Variants in WDPCP observed in about 807,000 individuals in gnomAD.
WDPCP encodes WD repeat containing planar cell polarity effector, also known as WD repeat-containing and planar cell polarity effector protein fritz homolog.
WDPCP carries 71 observed loss-of-function variants against 93.1 expected under a neutral mutation model. The ratio of observed to expected loss-of-function variants is 0.76; its 90% CI spans 0.63 to 0.93. WDPCP has a LOEUF of 0.93. Ranked by LOEUF, WDPCP falls within the 40% of genes least tolerant of loss-of-function variation. The pLI, the probability that WDPCP is intolerant of heterozygous loss-of-function variation, is 0.00. For missense variants in WDPCP, 844 were observed against 887.4 expected, an observed-to-expected ratio of 0.95 and a Z score of 0.62; for synonymous variants, 315 against 315.0, an observed-to-expected ratio of 1.00 and a Z score of 0.00.
At chr2:63,381,507 G>GA (rs1692306195) in intron 11 of WDPCP, among the ~76,000 whole-genome samples, 1 of 151,976 alleles carries the variant, frequency 6.6e-6, no homozygotes, top group Non-Finnish European at 1.5e-5. Context: ...TTCGGTGTGA[G>GA]AAAAAAATAT....
chr2:63,353,849 G>A (rs1300462137), intron 12 of WDPCP, among the ~76,000 whole-genome samples: 3 of 152,124 alleles, frequency 2.0e-5, no homozygotes, highest in African/African-American at 4.8e-5. Context: ...GACGGGAGCA[G>A]GCCCCCAGAA....
intron 13 of WDPCP, among the ~76,000 whole-genome samples, chr2:63,260,784 G>A (rs1297186381): frequency 6.6e-6 from 1 of 152,134 alleles, no homozygotes; most frequent in Non-Finnish European, 1.5e-5. Flanking sequence ...TCCTGACCTT[G>A]TGATCTGCCC....
intron 14 of WDPCP, among the ~76,000 whole-genome samples, chr2:63,176,998 G>A (rs138517901): frequency 2.2e-4 from 33 of 152,286 alleles, no homozygotes; most frequent in African/African-American, 7.5e-4. Context: ...TCCCAGCAAC[G>A]TTTGTTGAAG....
intron 17 of WDPCP, among the ~76,000 whole-genome samples, chr2:63,139,869 G>A (rs1294875559): frequency 6.6e-6 from 1 of 152,094 alleles, no homozygotes; most frequent in Non-Finnish European, 1.5e-5. Context: ...TTGGGTTCTT[G>A]GTAATGAAAT....
intron 13 of WDPCP, among the ~76,000 whole-genome samples, chr2:63,268,988 T>C (rs1682395414): frequency 6.6e-6 from 1 of 152,138 alleles, no homozygotes; most frequent in Non-Finnish European, 1.5e-5. Flanking sequence ...ATCATGCATC[T>C]TGGAGAGAGC....
chr2:63,600,362 C>T (rs1049560310), intron 3 of WDPCP, among the ~76,000 whole-genome samples: 1 of 152,184 alleles, frequency 6.6e-6, no homozygotes, highest in Admixed American at 6.5e-5. Flanking sequence ...AGTCAGAGAA[C>T]CTGCTCAGAG....
intron 4 of WDPCP, among the ~76,000 whole-genome samples, chr2:63,486,180 C>A (rs1398610899): frequency 6.6e-6 from 1 of 151,710 alleles, no homozygotes; most frequent in Non-Finnish European, 1.5e-5. Context: ...ACTGATATTA[C>A]AAATACTATT....
chr2:63,250,701 TAAAC>T (rs1168811080), intron 14 of WDPCP, among the ~76,000 whole-genome samples: 10 of 152,186 alleles, frequency 6.6e-5, no homozygotes, highest in South Asian at 2.1e-4. Context: ...AATGTTAAGA[TAAAC>T]AAACAGTTAA....
intron 1 of WDPCP, among the ~76,000 whole-genome samples, chr2:63,560,626 T>C (rs1473830704): frequency 1.3e-5 from 2 of 152,178 alleles, no homozygotes; most frequent in African/African-American, 4.8e-5. Flanking sequence ...ATGTGGCACA[T>C]ATACACCATG....
intron 3 of WDPCP, chr2:63,594,987 A>G (rs1709277438): frequency 3.9e-6 from 1 of 256,546 alleles, no homozygotes; most frequent in Non-Finnish European, 7.5e-6. Context: ...GACTTCCAGC[A>G]AGCCTGATTA....
At chr2:63,647,503 G>C (rs1417868267) in intron 3 of WDPCP, among the ~76,000 whole-genome samples, 1 of 151,900 alleles carries the variant, frequency 6.6e-6, no homozygotes, top group Non-Finnish European at 1.5e-5. Context: ...ATTATGCTGA[G>C]TGAAAAAAAA....
chr2:63,397,628 A>G (rs1693836119), intron 10 of WDPCP, among the ~76,000 whole-genome samples: 1 of 152,190 alleles, frequency 6.6e-6, no homozygotes, highest in Non-Finnish European at 1.5e-5. Flanking sequence ...GGGATCATAG[A>G]AGGCTGTTTG....
intron 1 of WDPCP, among the ~76,000 whole-genome samples, chr2:63,513,920 C>T (rs928467038): frequency 2.0e-4 from 30 of 151,646 alleles, no homozygotes; most frequent in African/African-American, 6.8e-4. Context: ...AATAAATTTA[C>T]TGTGCTTTTC....
intron 14 of WDPCP, among the ~76,000 whole-genome samples, chr2:63,192,099 G>GT (rs904812027): frequency 3.9e-5 from 6 of 151,922 alleles, no homozygotes; most frequent in East Asian, 1.9e-4. Flanking sequence ...CTCTTTCACT[G>GT]TTTTTTTGCT....
intron 1 of WDPCP, among the ~76,000 whole-genome samples, chr2:63,824,131 C>T (rs1438594320): frequency 6.6e-6 from 1 of 152,012 alleles, no homozygotes; most frequent in Non-Finnish European, 1.5e-5. Context: ...TCCCCCATGC[C>T]GTTCTCATGA....
At chr2:63,684,181 C>T (rs1668772031) in intron 2 of WDPCP, 1 of 321,080 alleles carries the variant, frequency 3.1e-6, no homozygotes, top group Admixed American at 4.4e-5. Flanking sequence ...TTCTTCTCCC[C>T]AGCATGTGGA....
intron 1 of WDPCP, among the ~76,000 whole-genome samples, chr2:63,581,622 A>C (rs1386851616): frequency 1.3e-5 from 2 of 152,318 alleles, no homozygotes; most frequent in East Asian, 3.9e-4. Flanking sequence ...ATATTTAATA[A>C]ATCTTAAAAG....
intron 12 of WDPCP, among the ~76,000 whole-genome samples, chr2:63,353,386 A>G (rs950984934): frequency 2.6e-5 from 4 of 152,156 alleles, no homozygotes; most frequent in African/African-American, 9.7e-5. Flanking sequence ...AACAGCCTGC[A>G]AGTCCCACTT....
At chr2:63,249,309 A>G (rs1375572880) in intron 14 of WDPCP, among the ~76,000 whole-genome samples, 1 of 152,126 alleles carries the variant, frequency 6.6e-6, no homozygotes, top group Non-Finnish European at 1.5e-5. Flanking sequence ...CCCTGTATAC[A>G]TGGCTGCTTT....
Sources: gnomAD v4.1 joint callset for allele counts (sites outside exome capture counted in the v4.1 genomes callset) on GRCh38, gnomAD v4.1.1 for gene constraint, MANE v1.5 for transcripts, NCBI Gene and HGNC (gene_info 2026-07-23, HGNC 2026-07-21) for gene names.